Variants in ERI1 observed in about 807,000 individuals in gnomAD.
ERI1 encodes the protein 3'-5' exoribonuclease 1.
ERI1 carries 39 observed loss-of-function variants against 39.7 expected under a neutral mutation model. The observed-to-expected ratio is 0.98, with a 90% CI of 0.76 to 1.28. The LOEUF is 1.28. Among genes scored for constraint, ERI1 ranks in the 50% most tolerant of loss-of-function variants. ERI1 has a pLI of 0.00. For missense variants in ERI1, 581 were observed against 416.9 expected (o/e 1.39, Z -3.43); for synonymous variants, 204 against 149.6 (o/e 1.36, Z -2.65).
intron 3 of ERI1, among the ~76,000 whole-genome samples, chr8:9,076,429 A>G (rs1327365048): frequency 1.3e-5 from 2 of 152,214 alleles, no homozygotes; most frequent in Admixed American, 6.5e-5. Context: ...TCAGAATGAG[A>G]TGAAGGATTT....
At chr8:9,079,159 T>C (rs569276576) in intron 3 of ERI1, among the ~76,000 whole-genome samples, 2 of 152,086 alleles carry the variant, frequency 1.3e-5, no homozygotes, top group African/African-American at 4.8e-5. Context: ...GAGAAAGAAA[T>C]GACACTTTTG....
At chr8:9,041,804 G>A (rs982553037) in intron 3 of ERI1, among the ~76,000 whole-genome samples, 6 of 152,116 alleles carry the variant, frequency 3.9e-5, no homozygotes, top group Non-Finnish European at 8.8e-5. Flanking sequence ...GCGTGATCTC[G>A]GCTGACTTCA....
chr8:9,095,491 G>GTTGTTTGTTTGT (rs79253861), intron 3 of ERI1, among the ~76,000 whole-genome samples: 24 of 149,540 alleles, frequency 1.6e-4, no homozygotes, highest in East Asian at 5.9e-4. Context: ...TTTTGTTGTT[G>GTTGTTTGTTTGT]TTGTTTGTTT....
chr8:9,079,234 G>A (rs1419512643), intron 3 of ERI1, among the ~76,000 whole-genome samples: 1 of 152,186 alleles, frequency 6.6e-6, no homozygotes. Flanking sequence ...GAACAATGGG[G>A]AGGAATAGCA....
Position 9,095,984 on chromosome 8 carries a change from C to T in ERI1, n.300-20364C>T, listed in dbSNP as rs529831579. ...TGGAATATAGAAATCATAATAATCC[C>T]CCTTGCGTCATAGGCTGACCTGAGG... is the stretch of plus-strand genomic sequence containing the variant. On this transcript the variant is annotated intron_variant and non_coding_transcript_variant, in intron 3 of 3. Coordinates refer to the ERI1 transcript ENST00000518663. 2.6e-5 allele frequency among the ~76,000 whole-genome samples: 4 copies of T among 152,228 alleles called. No individual in the cohort carries two copies. The East Asian group carries it at 7.7e-4, about 29-fold the overall frequency.
In ERI1 at chr8:9,007,271, C is replaced by T. The variant is rs557418094; in HGVS notation, c.109-699C>T. Among the ~76,000 whole-genome samples the T allele has an allele frequency of 5.6e-4, 85 of 152,120 alleles. 1 individual carries two copies. The highest frequency in any genetic ancestry group is 2.0e-3 in the African/African-American group (82 of 41,490). ...TAAGTTTTGAAATTAAATACATTTC[C>T]TTCTTTGAGTACTAGGAAGCTGTAA... On this transcript the variant is annotated intron_variant, in intron 1 of 6. Coordinates refer to ENST00000250263, the MANE Select transcript of ERI1 (RefSeq NM_153332.4).
chr8:9,025,716 G>GTT (rs1195076580), intron 6 of ERI1, among the ~76,000 whole-genome samples: 2 of 151,612 alleles, frequency 1.3e-5, no homozygotes, highest in Non-Finnish European at 2.9e-5. Context: ...GTGTGTGTGT[G>GTT]TGTGTGTGTG....
chr8:9,056,923 A>C (rs904830549), intron 3 of ERI1, among the ~76,000 whole-genome samples: 3 of 151,004 alleles, frequency 2.0e-5, no homozygotes, highest in Admixed American at 6.6e-5. Context: ...AATCTTTGTC[A>C]TCTGGGTTCA....
At chr8:9,036,887 T>C (rs1423009236), downstream of ERI1, among the ~76,000 whole-genome samples, 1 of 152,184 alleles carries the variant, frequency 6.6e-6, no homozygotes, top group Non-Finnish European at 1.5e-5. Flanking sequence ...TTTGGATTTA[T>C]TTTTGTCAGT....
At chr8:9,016,853 AT>A (rs374084987) in intron 4 of ERI1, among the ~76,000 whole-genome samples, 289 of 151,018 alleles carry the variant, frequency 1.9e-3, no homozygotes, top group Middle Eastern at 0.014. Context: ...CACCCGGCTA[AT>A]TTTTTTATTT....
chr8:9,088,816 G>A (rs1369455717), intron 3 of ERI1, among the ~76,000 whole-genome samples: 2 of 152,206 alleles, frequency 1.3e-5, no homozygotes, highest in Non-Finnish European at 2.9e-5. Context: ...ATTGTAGCAT[G>A]CTGGAGGGTT....
intron 3 of ERI1, among the ~76,000 whole-genome samples, chr8:9,061,015 T>C (rs554845220): frequency 1.3e-5 from 2 of 152,318 alleles, no homozygotes; most frequent in Admixed American, 6.5e-5. Context: ...TCAGTATAAA[T>C]ATTGACGCGT....
intron 3 of ERI1, among the ~76,000 whole-genome samples, chr8:9,074,134 A>C (rs1016712005): frequency 6.6e-6 from 1 of 151,620 alleles, no homozygotes; most frequent in African/African-American, 2.4e-5. Flanking sequence ...TTTTTGAGAC[A>C]TGGTCTTGCT....
rs146376386 is a variant in ERI1 at position 9,047,880 on chromosome 8, C to G, written n.299+27416C>G. Among the ~76,000 whole-genome samples the G allele has an allele frequency of 7.9e-5, 12 of 152,350 alleles. No individual in the cohort carries two copies. The East Asian group carries it at 2.3e-3, about 29-fold the overall frequency. On this transcript the variant is annotated intron_variant and non_coding_transcript_variant, in intron 3 of 3. Coordinates refer to the ERI1 transcript ENST00000518663. ...GTGTTGGGGTGCACGAGTGCACACA[C>G]GCCCACCAGGCACCATGCCAGGTGT...
At chr8:9,060,411 G>C (rs1375143485) in intron 3 of ERI1, among the ~76,000 whole-genome samples, 1 of 152,016 alleles carries the variant, frequency 6.6e-6, no homozygotes, top group Non-Finnish European at 1.5e-5. Context: ...GTGGGGGGCG[G>C]GGGCAAATCT....
At chr8:9,023,171 A>G (rs1818099727) in intron 6 of ERI1, among the ~76,000 whole-genome samples, 1 of 151,722 alleles carries the variant, frequency 6.6e-6, no homozygotes, top group Non-Finnish European at 1.5e-5. Flanking sequence ...GTTTTTTTTA[A>G]TCTCTTCTTT....
chr8:9,051,349 A>C (rs1338498234), intron 3 of ERI1, among the ~76,000 whole-genome samples: 3 of 151,708 alleles, frequency 2.0e-5, no homozygotes, highest in Admixed American at 6.6e-5. Context: ...CTCAAATTGG[A>C]GGTGTTTTTA....
chr8:9,071,567 T>C (rs1292544047), intron 3 of ERI1, among the ~76,000 whole-genome samples: 1 of 152,250 alleles, frequency 6.6e-6, no homozygotes, highest in African/African-American at 2.4e-5. Context: ...TTTATTCATC[T>C]GAGGAATGCT....
chr8:9,036,953 C>T (rs542950206), downstream of ERI1, among the ~76,000 whole-genome samples: 1 of 152,262 alleles, frequency 6.6e-6, no homozygotes, highest in Admixed American at 6.5e-5. Flanking sequence ...CATAGTCCCT[C>T]CCTCCCCCTT....
Sources: gnomAD v4.1 joint callset for allele counts (sites outside exome capture counted in the v4.1 genomes callset) on GRCh38, gnomAD v4.1.1 for gene constraint, MANE v1.5 for transcripts, NCBI Gene and HGNC (gene_info 2026-07-23, HGNC 2026-07-21) for gene names.